The following VPS13B variants were observed in gnomAD, a reference collection of about 807,000 sequenced individuals.
The protein encoded by VPS13B is vacuolar protein sorting 13 homolog B.
In VPS13B, 285 loss-of-function variants were observed where a neutral mutation model predicts 426.4. That is an observed-to-expected ratio of 0.67 (90% CI 0.61 to 0.74). VPS13B has a LOEUF of 0.74. Ranked by LOEUF, VPS13B falls within the 30% of genes least tolerant of loss-of-function variation. The pLI is 0.00. For missense variants in VPS13B, 4,537 were observed against 4,782.6 expected (o/e 0.95, Z 1.51); for synonymous variants, 1,676 against 1,676.4 (o/e 1.00, Z 0.01).
At chr8:99,347,492 T>G (rs1811603903) in intron 19 of VPS13B, 1 of 152,428 alleles carries the variant, frequency 6.6e-6, no homozygotes, top group African/African-American at 2.4e-5. Context: ...AAGAGAACAC[T>G]GAGGGCCCCA....
rs1314413494 is a variant in VPS13B at position 99,109,664 on chromosome 8, C to A, written c.581-1434C>A. On this transcript the variant is annotated intron_variant, in intron 5 of 61. Transcript: ENST00000357162. ...AAAGTGCTGGGATTATAGGCATGAA[C>A]CACCATGCCTGGCCTGAATAGCTTA... Among the ~76,000 whole-genome samples, 3 of 152,188 alleles carry A rather than the reference C, an allele frequency of 2.0e-5. No homozygotes were observed. In the East Asian group the frequency reaches 5.8e-4, roughly 29 times the overall value.
At chr8:99,844,756 A>G (rs1193429449) in intron 54 of VPS13B, among the ~76,000 whole-genome samples, 1 of 152,222 alleles carries the variant, frequency 6.6e-6, no homozygotes, top group Admixed American at 6.5e-5. Context: ...ATTTCAGCGT[A>G]TGAATTTTGG....
chr8:99,135,884 A>G (rs1810046509), intron 11 of VPS13B, 151 bp downstream of exon 11: 3 of 1,115,794 alleles, frequency 2.7e-6, no homozygotes, highest in Admixed American at 4.7e-5. Context: ...TACAGTATAC[A>G]TGTAGAAATG....
intron 17 of VPS13B, among the ~76,000 whole-genome samples, chr8:99,239,835 T>G (rs1816828151): frequency 6.6e-6 from 1 of 152,174 alleles, no homozygotes; most frequent in African/African-American, 2.4e-5. Flanking sequence ...TATGCAATAA[T>G]TTAAAGACAT....
intron 3 of VPS13B, among the ~76,000 whole-genome samples, chr8:99,046,167 C>T (rs1235438979): frequency 1.3e-5 from 2 of 152,062 alleles, no homozygotes; most frequent in Admixed American, 1.3e-4. Flanking sequence ...TTGATTCTAC[C>T]CATCCATGAG....
At chr8:99,154,790 A>G (rs1255361202) in intron 14 of VPS13B, among the ~76,000 whole-genome samples, 2 of 152,256 alleles carry the variant, frequency 1.3e-5, no homozygotes, top group East Asian at 1.9e-4. Flanking sequence ...ATGATGATGT[A>G]CTTGTATTCT....
At chr8:99,487,446 A>G (rs1480083172) in intron 25 of VPS13B, among the ~76,000 whole-genome samples, 1 of 152,116 alleles carries the variant, frequency 6.6e-6, no homozygotes, top group Non-Finnish European at 1.5e-5. Flanking sequence ...AATTGTGGTA[A>G]AAAAATATAC....
chr8:99,593,072 TTAAAC>T (rs1466261990), intron 33 of VPS13B, among the ~76,000 whole-genome samples: 1 of 152,008 alleles, frequency 6.6e-6, no homozygotes, highest in Non-Finnish European at 1.5e-5. Context: ...TGGGATCTAA[TTAAAC>T]TAAGGAACTT....
At chr8:99,289,409 C>A (rs1353881558) in intron 19 of VPS13B, among the ~76,000 whole-genome samples, 2 of 151,878 alleles carry the variant, frequency 1.3e-5, no homozygotes, top group Non-Finnish European at 2.9e-5. Context: ...TTTGTTTTTA[C>A]CCTCACTTCC....
intron 35 of VPS13B, among the ~76,000 whole-genome samples, chr8:99,691,216 G>A (rs935876718): frequency 6.6e-6 from 1 of 151,898 alleles, no homozygotes; most frequent in African/African-American, 2.4e-5. Flanking sequence ...GGGAGCATGA[G>A]TGAGGAGTGA....
intron 17 of VPS13B, among the ~76,000 whole-genome samples, chr8:99,268,072 G>A (rs568125504): frequency 3.1e-4 from 47 of 152,308 alleles, no homozygotes; most frequent in Non-Finnish European, 5.3e-4. Context: ...GAGGTTCCAC[G>A]TGGTATTGGT....
chr8:99,139,524 G>A (rs1373435904), intron 12 of VPS13B, among the ~76,000 whole-genome samples: 1 of 146,982 alleles, frequency 6.8e-6, no homozygotes, highest in South Asian at 2.1e-4. Flanking sequence ...TGCAAGCTCC[G>A]CCTCCCGGGT....
chr8:99,749,717 C>A (rs1258271416), intron 39 of VPS13B, among the ~76,000 whole-genome samples: 1 of 152,012 alleles, frequency 6.6e-6, no homozygotes, highest in African/African-American at 2.4e-5. Context: ...GTACAGATAT[C>A]TTTTAAATAT....
chr8:99,326,738 C>T (rs1408558703), intron 19 of VPS13B, among the ~76,000 whole-genome samples: 1 of 151,868 alleles, frequency 6.6e-6, no homozygotes, highest in Non-Finnish European at 1.5e-5. Flanking sequence ...TTGTTAGTCT[C>T]CTACAAATAT....
At chr8:99,662,205 G>A (rs1384587563) in intron 35 of VPS13B, among the ~76,000 whole-genome samples, 2 of 151,806 alleles carry the variant, frequency 1.3e-5, no homozygotes, top group African/African-American at 4.8e-5. Flanking sequence ...CACTAATTTG[G>A]GCATAACTAA....
intron 33 of VPS13B, among the ~76,000 whole-genome samples, chr8:99,622,507 G>A (rs139927947): frequency 1.3e-5 from 2 of 152,248 alleles, no homozygotes; most frequent in East Asian, 1.9e-4. Context: ...ATCCTGTAAT[G>A]GATACAAGGT....
At position 99,501,720 on chromosome 8, in the gene VPS13B, T is replaced by G. The variant is rs1229815073; in HGVS notation, c.3904T>G (p.Phe1302Val). 6.2e-7 allele frequency: 1 copy of G among 1,614,162 alleles called. No homozygotes were observed. The highest frequency in any genetic ancestry group is 8.5e-7 in the Non-Finnish European group (1 of 1,180,008). ...DSIQAGEESP[F>V]SDSVTLEQTT... ...TATACAAGCAGGTGAGGAATCACCA[T>G]TCTCAGATTCTGTGACCTTGGAACA... Residue 1302 changes from phenylalanine (F) to valine (V), a missense_variant, in exon 26 of 62, where the codon TTC becomes GTC. Physicochemically the swap from Phe to Val is conservative, Grantham distance 50. This residue lies in a region of VPS13B where 4,311 missense variants were observed against 4,474.3 expected (regional missense o/e 0.96). Transcript: ENST00000357162.
At chr8:99,225,008 G>A (rs1195871590) in intron 17 of VPS13B, among the ~76,000 whole-genome samples, 1 of 152,128 alleles carries the variant, frequency 6.6e-6, no homozygotes, top group African/African-American at 2.4e-5. Context: ...ATATTTTGTA[G>A]TTCTAACTTC....
intron 25 of VPS13B, among the ~76,000 whole-genome samples, chr8:99,500,819 G>A (rs1329885260): frequency 6.6e-6 from 1 of 152,128 alleles, no homozygotes; most frequent in South Asian, 2.1e-4. Flanking sequence ...AATGATTGCA[G>A]CATCTCTTCT....
Sources: allele counts gnomAD v4.1 joint callset (sites outside exome capture counted in the v4.1 genomes callset), GRCh38; gene constraint gnomAD v4.1.1; regional missense constraint gnomAD v4.1.1; transcripts MANE v1.5; gene names NCBI Gene and HGNC (gene_info 2026-07-23, HGNC 2026-07-21).